Variants in CDH8 observed in about 807,000 individuals in gnomAD.
CDH8 encodes cadherin 8, also known as cadherin-8.
In CDH8, 17 loss-of-function variants were observed where a neutral mutation model predicts 68.1. The ratio of observed to expected loss-of-function variants is 0.25; its 90% confidence interval spans 0.17 to 0.37. The LOEUF (loss-of-function observed/expected upper bound fraction) is 0.37. Ranked by LOEUF, CDH8 falls within the 10% of genes least tolerant of loss-of-function variation. The pLI, the probability that CDH8 is intolerant of heterozygous loss-of-function variation, is 1.00. For synonymous variants in CDH8, 372 were observed against 365.1 expected (o/e 1.02, Z -0.21); for missense variants, 763 against 999.3 (o/e 0.76, Z 3.19).
intron 10 of CDH8, among the ~76,000 whole-genome samples, chr16:61,683,268 C>A (rs1470610545): frequency 2.0e-5 from 3 of 151,980 alleles, no homozygotes; most frequent in East Asian, 3.9e-4. Context: ...GGATACCCCC[C>A]ATAGGACTAT....
chr16:61,850,085 T>G (rs1962908138), intron 4 of CDH8, among the ~76,000 whole-genome samples: 1 of 152,080 alleles, frequency 6.6e-6, no homozygotes, highest in African/African-American at 2.4e-5. Flanking sequence ...TACCTGAGAC[T>G]GGGTAATTTA....
intron 10 of CDH8, among the ~76,000 whole-genome samples, chr16:61,703,217 T>C (rs1384013381): frequency 2.0e-5 from 3 of 152,186 alleles, no homozygotes. Flanking sequence ...ATATACTACA[T>C]TGTAGAATAC....
chr16:61,838,914 A>C, intron 4 of CDH8, among the ~76,000 whole-genome samples: 1 of 152,116 alleles, frequency 6.6e-6, no homozygotes, highest in East Asian at 1.9e-4. Flanking sequence ...TTGTCACTAA[A>C]ATGATCAAGG....
intron 2 of CDH8, among the ~76,000 whole-genome samples, chr16:61,907,974 T>C (rs942311163): frequency 1.1e-4 from 15 of 138,190 alleles, no homozygotes; most frequent in Admixed American, 2.5e-4. Context: ...ACCCTGGAGG[T>C]GGAGCTTGCA....
intron 7 of CDH8, among the ~76,000 whole-genome samples, chr16:61,816,438 C>T (rs1285818449): frequency 6.6e-6 from 1 of 152,146 alleles, no homozygotes; most frequent in African/African-American, 2.4e-5. Context: ...TAATTGGAAG[C>T]AGGTCTGCCC....
At chr16:62,024,233 A>G (rs1159794853) in intron 1 of CDH8, among the ~76,000 whole-genome samples, 1 of 152,044 alleles carries the variant, frequency 6.6e-6, no homozygotes, top group Non-Finnish European at 1.5e-5. Flanking sequence ...TCCTACACTG[A>G]CCAGTTGTAT....
intron 2 of CDH8, among the ~76,000 whole-genome samples, chr16:61,943,998 A>G (rs1361204078): frequency 6.6e-6 from 1 of 152,210 alleles, no homozygotes; most frequent in Non-Finnish European, 1.5e-5. Flanking sequence ...TCAACAGCAT[A>G]GCTTAATGGT....
rs573614964 is a variant in CDH8, at chr16:61,718,866, A to T, written c.1537-4908T>A. Among the ~76,000 whole-genome samples, 10 of 151,456 alleles carry T rather than the reference A, an allele frequency of 6.6e-5. No homozygotes were observed. The South Asian group carries it at 2.1e-3, about 31-fold the overall frequency. On this transcript the variant is annotated intron_variant, in intron 9 of 11. Transcript: ENST00000577390. ...TTAAAAGCCTTAAAGAAGGGTGCTT[A>T]AAAATAGATAGGCATACAAGACAAA...
At chr16:61,788,412 C>G (rs1465708796) in intron 8 of CDH8, among the ~76,000 whole-genome samples, 1 of 151,944 alleles carries the variant, frequency 6.6e-6, no homozygotes, top group Non-Finnish European at 1.5e-5. Flanking sequence ...ATTTCTTATT[C>G]AAATTCCCTT....
intron 3 of CDH8, among the ~76,000 whole-genome samples, chr16:61,858,679 A>C (rs775258687): frequency 1.5e-4 from 23 of 152,154 alleles, no homozygotes; most frequent in Admixed American, 1.5e-3. Context: ...GGGAGTGAAA[A>C]GGACAAAACT....
intron 2 of CDH8, among the ~76,000 whole-genome samples, chr16:62,002,914 G>C (rs1965915626): frequency 6.6e-6 from 1 of 152,124 alleles, no homozygotes; most frequent in African/African-American, 2.4e-5. Flanking sequence ...TTAGCTGGGC[G>C]TGGCGGCAGG....
intron 7 of CDH8, among the ~76,000 whole-genome samples, chr16:61,806,799 A>G (rs1468974992): frequency 3.2e-5 from 2 of 61,694 alleles, no homozygotes; most frequent in East Asian, 9.1e-4. Context: ...TTAGAATGGC[A>G]ATCATTAAAA....
intron 2 of CDH8, among the ~76,000 whole-genome samples, chr16:61,972,737 T>G (rs903458690): frequency 8.6e-5 from 13 of 152,046 alleles, no homozygotes; most frequent in African/African-American, 3.1e-4. Context: ...GACCTAAGAA[T>G]GCTAGGTAAT....
At chr16:61,819,426 C>T (rs982913062) in intron 6 of CDH8, among the ~76,000 whole-genome samples, 2 of 151,948 alleles carry the variant, frequency 1.3e-5, no homozygotes, top group Admixed American at 6.6e-5. Context: ...CATTAGGAAT[C>T]ATTAGTCAAG....
intron 10 of CDH8, among the ~76,000 whole-genome samples, chr16:61,666,260 G>T (rs1023761513): frequency 6.6e-6 from 1 of 151,468 alleles, no homozygotes; most frequent in African/African-American, 2.4e-5. Context: ...CAAGCATCCA[G>T]TCTGGGTTTG....
intron 2 of CDH8, among the ~76,000 whole-genome samples, chr16:61,987,533 A>G (rs188052157): frequency 8.1e-4 from 123 of 152,192 alleles, no homozygotes; most frequent in Non-Finnish European, 1.5e-3. Flanking sequence ...AAAATGAAAT[A>G]AATCAAATCA....
At chr16:61,819,641 A>T (rs1962164501) in intron 6 of CDH8, among the ~76,000 whole-genome samples, 1 of 152,148 alleles carries the variant, frequency 6.6e-6, no homozygotes, top group Non-Finnish European at 1.5e-5. Context: ...TTTATAAAAA[A>T]GAATATCCAG....
chr16:61,827,049 G>C (rs1304818418), intron 4 of CDH8, among the ~76,000 whole-genome samples: 1 of 151,826 alleles, frequency 6.6e-6, no homozygotes, highest in African/African-American at 2.4e-5. Flanking sequence ...AGATCACTCT[G>C]AGGCATGTTT....
intron 2 of CDH8, among the ~76,000 whole-genome samples, chr16:61,963,803 T>A (rs1266724256): frequency 6.6e-6 from 1 of 152,212 alleles, no homozygotes; most frequent in African/African-American, 2.4e-5. Flanking sequence ...TTTTCATTAC[T>A]TGAGAATCTT....
Sources: allele counts gnomAD v4.1 joint callset (sites outside exome capture counted in the v4.1 genomes callset), GRCh38; gene constraint gnomAD v4.1.1; transcripts MANE v1.5; gene names NCBI Gene and HGNC (gene_info 2026-07-23, HGNC 2026-07-21).